Variants in HIP1 observed in about 807,000 individuals in gnomAD.
HIP1 encodes the protein huntingtin-interacting protein 1.
HIP1 carries 65 observed loss-of-function variants against 147.6 expected under a neutral mutation model. The observed-to-expected ratio is 0.44, with a 90% CI of 0.36 to 0.54. The LOEUF (loss-of-function observed/expected upper bound fraction) is 0.54. Ranked by LOEUF, HIP1 falls within the 20% of genes least tolerant of loss-of-function variation. The pLI is 0.00. For synonymous variants in HIP1, 479 were observed against 504.0 expected (o/e 0.95, Z 0.67); for missense variants, 1,061 against 1,299.6 (o/e 0.82, Z 2.82).
chr7:75,698,872 T>C (rs1199925157), intron 1 of HIP1, among the ~76,000 whole-genome samples: 1 of 151,746 alleles, frequency 6.6e-6, no homozygotes, highest in East Asian at 1.9e-4. Context: ...AATATTCCAA[T>C]ATATTTGTAT....
At chr7:75,553,651 G>T (rs1794877775) in intron 21 of HIP1, 62 bp from the exon 22 acceptor site, 3 of 1,526,798 alleles carry the variant, frequency 2.0e-6, no homozygotes, top group Non-Finnish European at 2.7e-6. Flanking sequence ...TGTTGCCCAG[G>T]CTGGAGTGCA....
rs370621774 is a variant in HIP1, at chr7:75,678,454, C to T, written c.120+60347G>A. On this transcript the variant is annotated intron_variant, in intron 1 of 30. Coordinates refer to ENST00000336926, the MANE Select transcript of HIP1 (RefSeq NM_005338.7). Reference sequence around the variant, plus strand: ...CCTCTCCCAGCTTCAAGGGATTCCCCGGCCTCAGCCTCCCAAGTAGCTGGG... The same window carrying T: ...CCTCTCCCAGCTTCAAGGGATTCCCTGGCCTCAGCCTCCCAAGTAGCTGGG... 7.9e-5 allele frequency among the ~76,000 whole-genome samples: 12 copies of T among 151,994 alleles called. No individual in the cohort carries two copies. The East Asian group carries it at 1.4e-3, about 17-fold the overall frequency.
chr7:75,557,801 G>C, intron 15 of HIP1, 31 bp from the exon 16 acceptor site: 1 of 1,521,376 alleles, frequency 6.6e-7, no homozygotes, highest in Non-Finnish European at 9.1e-7. Flanking sequence ...CTTGAACCAG[G>C]AGATCCCAGG....
Position 75,559,716 on chromosome 7 carries a change from C to T in HIP1, c.1375+16G>A. ...CCTGCCCCCGGGGCCCGCCCCCGCC[C>T]CCACCCACCGCTCACTTTCTATCTC... On this transcript the variant is annotated intron_variant, in intron 14 of 30. Transcript: ENST00000336926. 4 of 1,389,654 alleles carry T rather than the reference C, an allele frequency of 2.9e-6. No homozygotes were observed. The highest frequency in any genetic ancestry group is 3.9e-6 in the Non-Finnish European group (4 of 1,037,434). The allele number at this position is 1,389,654 out of a possible 1,614,324, so 86.1% of individuals were successfully genotyped here. A position where few individuals can be genotyped will look rare whatever the true frequency, so the allele number is the denominator to read the frequency against.
At chr7:75,640,776 T>A (rs1798627354) in intron 1 of HIP1, among the ~76,000 whole-genome samples, 1 of 149,332 alleles carries the variant, frequency 6.7e-6, no homozygotes, top group African/African-American at 2.5e-5. Flanking sequence ...ATAATAATAA[T>A]AATAATAATA....
At position 75,562,103 on chromosome 7, in the gene HIP1, T is replaced by C. The variant is rs1584800486; in HGVS notation, c.1088A>G (p.Asn363Ser). ...ATCCTTGTTCACACCATTTTGACTG[T>C]TGAAATTGAAGGGATCACTGCTGAA... Reference protein sequence around the residue: ...SSFSSDPFNFNSQNGVNKDEK... With the variant: ...SSFSSDPFNFSSQNGVNKDEK... The change falls in exon 12 of 31, where the codon AAC (asparagine) becomes AGC (serine). Residue 363 changes from asparagine to serine, a missense_variant. Transcript: ENST00000336926. The C allele has an allele frequency of 6.2e-7, 1 of 1,612,910 alleles. No homozygotes were observed. Among genetic ancestry groups the C allele is most frequent in the Non-Finnish European group, 8.5e-7 (1 of 1,178,890 alleles).
At chr7:75,584,051 C>A (rs1307706065) in intron 5 of HIP1, among the ~76,000 whole-genome samples, 1 of 151,494 alleles carries the variant, frequency 6.6e-6, no homozygotes, top group Non-Finnish European at 1.5e-5. Context: ...ACCTCAGCCC[C>A]TTGGGTTCAA....
intron 1 of HIP1, among the ~76,000 whole-genome samples, chr7:75,672,665 C>T (rs1393158631): frequency 1.3e-5 from 2 of 152,156 alleles, no homozygotes; most frequent in African/African-American, 4.8e-5. Flanking sequence ...GAAGCAAAAA[C>T]ATTTGTAATA....
chr7:75,655,710 AAGT>A (rs1359513060), intron 1 of HIP1, among the ~76,000 whole-genome samples: 1 of 152,210 alleles, frequency 6.6e-6, no homozygotes, highest in Non-Finnish European at 1.5e-5. Flanking sequence ...TGTCAACACA[AAGT>A]AGATTATTAG....
chr7:75,582,209 G>T, intron 5 of HIP1, 58 bp from the exon 6 acceptor site: 1 of 1,404,152 alleles, frequency 7.1e-7, no homozygotes, highest in Non-Finnish European at 1.0e-6. Context: ...CCCTCTCTCA[G>T]CCGGGCGTGG....
intron 1 of HIP1, among the ~76,000 whole-genome samples, chr7:75,661,751 TA>T (rs1554513629): frequency 6.6e-6 from 1 of 151,728 alleles, no homozygotes; most frequent in African/African-American, 2.4e-5. Flanking sequence ...TGGGGGCAGC[TA>T]CAGCAGAGTA....
intron 1 of HIP1, among the ~76,000 whole-genome samples, chr7:75,712,091 A>T (rs1449392825): frequency 6.6e-6 from 1 of 152,178 alleles, no homozygotes; most frequent in Non-Finnish European, 1.5e-5. Context: ...ACATCTGGTG[A>T]TTCTATAATT....
At position 75,534,997 on chromosome 7, in the gene HIP1, G is replaced by C. The variant is rs779498072; in HGVS notation, c.*3175C>G. ...TTAATCCAAGGTGTGTCATTAAATA[G>C]CTCTTCATCTTCATTTTTAGAAGAG... On this transcript the variant is annotated 3_prime_UTR_variant, in exon 31 of 31. Transcript: ENST00000336926. 5.8e-5 allele frequency: 12 copies of C among 207,402 alleles called. No individual in the cohort carries two copies. Among genetic ancestry groups the C allele is most frequent in the Admixed American group, 2.4e-4 (4 of 16,808 alleles). 12.8% of individuals were successfully genotyped at this position (207,402 alleles called of 1,614,324 possible).
intron 1 of HIP1, among the ~76,000 whole-genome samples, chr7:75,615,295 C>T (rs914171456): frequency 3.3e-5 from 5 of 151,916 alleles, no homozygotes; most frequent in Non-Finnish European, 7.4e-5. Flanking sequence ...CAGCTCATGC[C>T]TGGAATCCCA....
At position 75,582,163 on chromosome 7, in the gene HIP1, G is replaced by T. The variant is rs782246601; in HGVS notation, c.466-12C>A. On this transcript the variant is annotated splice_polypyrimidine_tract_variant and intron_variant, in intron 5 of 30. Coordinates refer to ENST00000336926, the MANE Select transcript of HIP1 (RefSeq NM_005338.7). ...GGGAACCTGGGATTCTGGAAGGGAG[G>T]CAGAGGAAGGGAGTCAGGGCAGAAG... is the stretch of plus-strand genomic sequence containing the variant. The T allele has an allele frequency of 6.2e-7, 1 of 1,609,282 alleles. No individual in the cohort carries two copies. The highest frequency in any genetic ancestry group is 2.2e-5 in the East Asian group (1 of 44,836).
Position 75,639,476 on chromosome 7 carries a change from G to C in HIP1, c.121-40229C>G, listed in dbSNP as rs373483594. 1.0e-3 allele frequency among the ~76,000 whole-genome samples: 156 copies of C among 152,032 alleles called. 1 individual carries two copies. Among genetic ancestry groups the C allele is most frequent in the African/African-American group, 3.5e-3 (147 of 41,520 alleles). ...GGCTCGCACGGCGAGGATGTGATTT[G>C]AATAACAAAAGGTGGCTTCTCCCCA... On this transcript the variant is annotated intron_variant, in intron 1 of 30. Coordinates refer to ENST00000336926, the MANE Select transcript of HIP1 (RefSeq NM_005338.7).
intron 1 of HIP1, among the ~76,000 whole-genome samples, chr7:75,720,278 A>G (rs1801458963): frequency 6.6e-6 from 1 of 152,088 alleles, no homozygotes; most frequent in Non-Finnish European, 1.5e-5. Flanking sequence ...CTCGTGCCTC[A>G]GCCTCCCAAG....
At chr7:75,570,804 C>G (rs760693752) in intron 8 of HIP1, among the ~76,000 whole-genome samples, 1 of 151,750 alleles carries the variant, frequency 6.6e-6, no homozygotes, top group Non-Finnish European at 1.5e-5. Flanking sequence ...CTCAGGAGTT[C>G]GAGACAAGCC....
chr7:75,626,888 C>CACACACAA (rs1262622519), intron 1 of HIP1: 3 of 98,772 alleles, frequency 3.0e-5, no homozygotes, highest in African/African-American at 1.2e-4. Context: ...TGCACACAAA[C>CACACACAA]ACACACACAC....
Sources: allele counts gnomAD v4.1 joint callset (sites outside exome capture counted in the v4.1 genomes callset), GRCh38; gene constraint gnomAD v4.1.1; transcripts MANE v1.5; gene names NCBI Gene and HGNC (gene_info 2026-07-23, HGNC 2026-07-21).